CTNND2: variants seen among roughly 807,000 people sequenced by gnomAD.
CTNND2 encodes catenin delta 2.
A neutral mutation model predicts 144.4 loss-of-function variants in CTNND2; 22 were observed. That is an observed-to-expected ratio of 0.15 (90% CI 0.11 to 0.22). The LOEUF is 0.22. Among genes scored for constraint, CTNND2 ranks in the 10% least tolerant of loss-of-function variants. CTNND2 has a pLI of 1.00. For synonymous variants in CTNND2, 751 were observed against 695.6 expected, an observed-to-expected ratio of 1.08 and a Z score of -1.25; for missense variants, 1,353 against 1,618.8, an observed-to-expected ratio of 0.84 and a Z score of 2.82.
chr5:11,253,442 G>T (rs1743875891), intron 9 of CTNND2, among the ~76,000 whole-genome samples: 2 of 152,172 alleles, frequency 1.3e-5, no homozygotes, highest in South Asian at 2.1e-4. Context: ...CTATTTTCAT[G>T]CTAGTGAATA....
intron 2 of CTNND2, among the ~76,000 whole-genome samples, chr5:11,641,961 CCTTTT>C (rs1782089144): frequency 6.6e-6 from 1 of 151,988 alleles, no homozygotes; most frequent in South Asian, 2.1e-4. Context: ...GATTCCATTC[CCTTTT>C]CTTTACGGTG....
chr5:11,770,305 G>C (rs1346369079), intron 1 of CTNND2, among the ~76,000 whole-genome samples: 1 of 152,002 alleles, frequency 6.6e-6, no homozygotes, highest in Non-Finnish European at 1.5e-5. Flanking sequence ...TGAATACTCA[G>C]TACTGAACTA....
intron 9 of CTNND2, among the ~76,000 whole-genome samples, chr5:11,275,788 T>C (rs551939722): frequency 6.6e-6 from 1 of 152,360 alleles, no homozygotes; most frequent in South Asian, 2.1e-4. Flanking sequence ...GGATTCTATT[T>C]TGTGCCAATC....
chr5:11,110,745 G>A (rs1752195134), intron 14 of CTNND2, 113 bp downstream of exon 14: 1 of 1,027,416 alleles, frequency 9.7e-7, no homozygotes, highest in Admixed American at 2.4e-5. Flanking sequence ...AGATGCATTA[G>A]TGATTTTACC....
At chr5:11,593,014 T>C (rs139804579) in intron 2 of CTNND2, among the ~76,000 whole-genome samples, 1 of 152,004 alleles carries the variant, frequency 6.6e-6, no homozygotes, top group African/African-American at 2.4e-5. Flanking sequence ...AGATAGTGCC[T>C]TCACCTGTTG....
intron 16 of CTNND2, among the ~76,000 whole-genome samples, chr5:11,047,190 T>C (rs187016112): frequency 6.6e-6 from 1 of 152,266 alleles, no homozygotes; most frequent in Non-Finnish European, 1.5e-5. Flanking sequence ...AAAGATTACT[T>C]GCACATGGCA....
At chr5:11,074,256 A>G (rs916380798) in intron 16 of CTNND2, among the ~76,000 whole-genome samples, 1 of 152,212 alleles carries the variant, frequency 6.6e-6, no homozygotes, top group African/African-American at 2.4e-5. Context: ...AGACGCAAAA[A>G]TAAGAAAACA....
chr5:11,192,571 G>C (rs1736399859), intron 11 of CTNND2, among the ~76,000 whole-genome samples: 1 of 152,136 alleles, frequency 6.6e-6, no homozygotes, highest in African/African-American at 2.4e-5. Context: ...TTCTGGCAGT[G>C]ATCAGAGGAA....
chr5:11,053,728 G>A (rs1222704380), intron 16 of CTNND2, among the ~76,000 whole-genome samples: 1 of 149,820 alleles, frequency 6.7e-6, no homozygotes, highest in Non-Finnish European at 1.5e-5. Flanking sequence ...TCCTCTTAAA[G>A]GAATAATAAA....
At chr5:11,631,214 T>C (rs1053222669) in intron 2 of CTNND2, among the ~76,000 whole-genome samples, 1 of 152,136 alleles carries the variant, frequency 6.6e-6, no homozygotes, top group African/African-American at 2.4e-5. Context: ...CACATTTAGG[T>C]CTCCAAAATA....
At chr5:11,118,991 C>T (rs575821282) in intron 12 of CTNND2, among the ~76,000 whole-genome samples, 20 of 151,990 alleles carry the variant, frequency 1.3e-4, no homozygotes, top group Non-Finnish European at 2.5e-4. Context: ...GCTCTTTGAA[C>T]CTCCTTTACT....
rs549915432 is a variant in CTNND2 at position 11,625,492 on chromosome 5, G to A, written c.175-60436C>T. ...CTTAAACTAGGTCATAGACTGAAGT[G>A]TAGGATGTAAAATTATAAAACCTCT... On this transcript the variant is annotated intron_variant, in intron 2 of 21. Coordinates refer to ENST00000304623, the MANE Select transcript of CTNND2 (RefSeq NM_001332.4). Among the ~76,000 whole-genome samples the A allele has an allele frequency of 5.3e-5, 8 of 151,864 alleles. No individual in the cohort carries two copies. In the East Asian group the frequency reaches 1.4e-3, roughly 26 times the overall value.
At chr5:11,348,649 A>C (rs1291187102) in intron 8 of CTNND2, among the ~76,000 whole-genome samples, 1 of 152,116 alleles carries the variant, frequency 6.6e-6, no homozygotes, top group East Asian at 1.9e-4. Flanking sequence ...ATAATATTGA[A>C]ATCTAAAGAA....
At chr5:11,629,408 AC>A (rs1561636588) in intron 2 of CTNND2, among the ~76,000 whole-genome samples, 1 of 152,066 alleles carries the variant, frequency 6.6e-6, no homozygotes, top group Non-Finnish European at 1.5e-5. Flanking sequence ...CCCATTCCCT[AC>A]CCCTGGCATC....
intron 11 of CTNND2, among the ~76,000 whole-genome samples, chr5:11,172,683 A>G (rs1024023616): frequency 6.6e-6 from 1 of 152,194 alleles, no homozygotes; most frequent in African/African-American, 2.4e-5. Context: ...GAGAGCGCCA[A>G]TGGGGAGGAA....
In CTNND2 at chr5:11,903,321, T is replaced by C; in HGVS notation, c.37+496A>G. The C allele has an allele frequency of 1.0e-6, 1 of 985,908 alleles. No homozygotes were observed. Among genetic ancestry groups the C allele is most frequent in the South Asian group, 4.7e-5 (1 of 21,294 alleles). The allele number at this position is 985,908 out of a possible 1,614,324, so 61.1% of individuals were successfully genotyped here. ...CAGGGTCTGGCAAGCCGCGGGAGCC[T>C]GAAGACACGGCCATGGACGCATATG... On this transcript the variant is annotated intron_variant, in intron 1 of 21. Transcript: ENST00000304623. The surrounding 1 kb of genome is among the most constrained non-coding windows in gnomAD (Gnocchi z 5.4).
intron 3 of CTNND2, among the ~76,000 whole-genome samples, chr5:11,471,420 T>C (rs893583817): frequency 1.3e-5 from 2 of 152,224 alleles, no homozygotes; most frequent in Non-Finnish European, 2.9e-5. Context: ...TCTTCGATTG[T>C]TTCTTTAACA....
chr5:11,264,040 C>T (rs1401560547), intron 9 of CTNND2, among the ~76,000 whole-genome samples: 1 of 152,152 alleles, frequency 6.6e-6, no homozygotes, highest in Non-Finnish European at 1.5e-5. Context: ...TCTTTTAAAA[C>T]ATGTTTTGCT....
intron 2 of CTNND2, among the ~76,000 whole-genome samples, chr5:11,566,414 C>CT (rs889939728): frequency 3.9e-5 from 6 of 152,126 alleles, no homozygotes; most frequent in African/African-American, 1.4e-4. Context: ...AGTCCTACTG[C>CT]TTTTTTTTCT....
Sources: gnomAD v4.1 joint callset for allele counts (sites outside exome capture counted in the v4.1 genomes callset) on GRCh38, gnomAD v4.1.1 for gene constraint, Gnocchi (gnomAD v3.1) non-coding constraint, MANE v1.5 for transcripts, NCBI Gene and HGNC (gene_info 2026-07-23, HGNC 2026-07-21) for gene names.